Variants in TTC28 observed in about 807,000 individuals in gnomAD.
The protein encoded by TTC28 is tetratricopeptide repeat domain 28.
Under a neutral mutation model 198.0 loss-of-function variants are expected in TTC28, and 61 were observed. The observed-to-expected ratio is 0.31, with a 90% confidence interval of 0.25 to 0.38. The LOEUF is 0.38. TTC28 is among the 10% of genes least tolerant of loss of function. TTC28 has a pLI of 1.00. For missense variants in TTC28, 2,678 were observed against 3,164.0 expected (o/e 0.85, Z 3.69); for synonymous variants, 1,171 against 1,297.8 (o/e 0.90, Z 2.10).
chr22:28,171,275 C>T (rs771576069), intron 5 of TTC28, among the ~76,000 whole-genome samples: 10 of 152,068 alleles, frequency 6.6e-5, no homozygotes, highest in Non-Finnish European at 5.9e-5. Context: ...CCTTCATTAC[C>T]GGCCTATGGC....
chr22:28,244,089 A>T (rs1156301536), intron 5 of TTC28, among the ~76,000 whole-genome samples: 4 of 152,198 alleles, frequency 2.6e-5, no homozygotes, highest in Admixed American at 1.3e-4. Flanking sequence ...AAATGTGAAA[A>T]ATATATATGC....
chr22:28,478,282 C>A (rs1293169197), intron 2 of TTC28, among the ~76,000 whole-genome samples: 1 of 152,066 alleles, frequency 6.6e-6, no homozygotes, highest in Non-Finnish European at 1.5e-5. Flanking sequence ...CCGAGGCAAG[C>A]GGATCACCTG....
chr22:28,551,148 T>C (rs936648653), intron 2 of TTC28, among the ~76,000 whole-genome samples: 4 of 152,026 alleles, frequency 2.6e-5, no homozygotes, highest in African/African-American at 9.7e-5. Flanking sequence ...GATAAATTCC[T>C]GGAAATATAC....
chr22:28,097,263 C>T (rs1249324471), intron 10 of TTC28, among the ~76,000 whole-genome samples: 3 of 152,196 alleles, frequency 2.0e-5, no homozygotes, highest in African/African-American at 4.8e-5. Flanking sequence ...TCCTGCCTAT[C>T]GCAAAGGGCT....
chr22:28,232,803 A>T (rs1928915828), intron 5 of TTC28: 1 of 151,952 alleles, frequency 6.6e-6, no homozygotes, highest in African/African-American at 2.4e-5. Context: ...GTAATTTTAA[A>T]TTTTTTCCAT....
At chr22:28,208,914 A>G (rs888084729) in intron 5 of TTC28, among the ~76,000 whole-genome samples, 3 of 152,160 alleles carry the variant, frequency 2.0e-5, no homozygotes, top group East Asian at 3.9e-4. Context: ...TCAATCTCCA[A>G]TCATTCAGAA....
At chr22:28,529,790 C>A (rs997443894) in intron 2 of TTC28, among the ~76,000 whole-genome samples, 1 of 152,186 alleles carries the variant, frequency 6.6e-6, no homozygotes, top group African/African-American at 2.4e-5. Context: ...CTCAGGCAAA[C>A]AGGGTCTGGA....
chr22:28,525,748 G>A (rs1260302628), intron 2 of TTC28, among the ~76,000 whole-genome samples: 1 of 151,832 alleles, frequency 6.6e-6, no homozygotes, highest in Non-Finnish European at 1.5e-5. Context: ...AAACCCTATG[G>A]GAACATGAAA....
chr22:28,101,127 C>T, intron 9 of TTC28, 44 bp downstream of exon 9: 2 of 1,438,194 alleles, frequency 1.4e-6, no homozygotes, highest in Non-Finnish European at 1.9e-6. Context: ...GTCTCCCATG[C>T]TTCTGGAAAC....
chr22:28,542,103 A>AAAAATC (rs2049425490), intron 2 of TTC28, among the ~76,000 whole-genome samples: 1 of 152,042 alleles, frequency 6.6e-6, no homozygotes, highest in African/African-American at 2.4e-5. Flanking sequence ...AAATAAAAAT[A>AAAAATC]AAAATCCCAA....
intron 2 of TTC28, among the ~76,000 whole-genome samples, chr22:28,399,790 T>C (rs1356615480): frequency 6.6e-6 from 1 of 152,186 alleles, no homozygotes; most frequent in Admixed American, 6.5e-5. Context: ...CTCCATCCCT[T>C]GCCTTGCCTC....
Position 28,122,918 on chromosome 22 carries a change from C to T in TTC28, c.1442-14515G>A, listed in dbSNP as rs189436967. Among the ~76,000 whole-genome samples, 532 of 152,282 alleles carry T rather than the reference C, an allele frequency of 3.5e-3. 10 individuals are homozygous for T. The highest frequency in any genetic ancestry group is 0.028 in the Admixed American group (423 of 15,300). On this transcript the variant is annotated intron_variant, in intron 6 of 22. Coordinates refer to ENST00000397906, the MANE Select transcript of TTC28 (RefSeq NM_001145418.2). ...ATACCTAAGCCGTTCTTAGGAAGTC[C>T]TGGGACAGAACCACACCAGTTATGG... is the stretch of plus-strand genomic sequence containing the variant.
At chr22:28,166,576 G>A (rs1921986096) in intron 5 of TTC28, among the ~76,000 whole-genome samples, 1 of 152,098 alleles carries the variant, frequency 6.6e-6, no homozygotes, top group Admixed American at 6.6e-5. Flanking sequence ...ATGACTACTG[G>A]GTACATAACG....
chr22:28,624,930 T>G (rs2051054913), intron 2 of TTC28, among the ~76,000 whole-genome samples: 1 of 152,196 alleles, frequency 6.6e-6, no homozygotes, highest in Admixed American at 6.5e-5. Context: ...AAACCAAAGT[T>G]GATTTAGTTG....
intron 2 of TTC28, among the ~76,000 whole-genome samples, chr22:28,353,540 C>T (rs1040762640): frequency 6.6e-6 from 1 of 152,142 alleles, no homozygotes; most frequent in African/African-American, 2.4e-5. Flanking sequence ...AATAAAGCCA[C>T]ACATATGGTC....
intron 5 of TTC28, among the ~76,000 whole-genome samples, chr22:28,240,833 A>C (rs1280425991): frequency 1.3e-5 from 2 of 152,246 alleles, no homozygotes. Context: ...AAGGACTCCC[A>C]GTCTGGGACA....
intron 2 of TTC28, among the ~76,000 whole-genome samples, chr22:28,578,491 T>A (rs1292225003): frequency 6.6e-6 from 1 of 152,100 alleles, no homozygotes. Context: ...GATGGCTGAA[T>A]AGAAACCTCC....
chr22:28,158,201 A>G (rs1943796893), intron 6 of TTC28, among the ~76,000 whole-genome samples: 1 of 152,156 alleles, frequency 6.6e-6, no homozygotes, highest in Non-Finnish European at 1.5e-5. Context: ...GGAATTAACC[A>G]AAGAAGTGGA....
At chr22:28,026,039 A>G (rs1413813189) in intron 13 of TTC28, among the ~76,000 whole-genome samples, 1 of 152,210 alleles carries the variant, frequency 6.6e-6, no homozygotes, top group Non-Finnish European at 1.5e-5. Context: ...ACCTTTAGGA[A>G]GTCCTCCTGT....
Sources: allele counts gnomAD v4.1 joint callset (sites outside exome capture counted in the v4.1 genomes callset), GRCh38; gene constraint gnomAD v4.1.1; transcripts MANE v1.5; gene names NCBI Gene and HGNC (gene_info 2026-07-23, HGNC 2026-07-21).